The following CDK14 variants were observed in gnomAD, a reference collection of about 807,000 sequenced individuals.
CDK14 encodes cyclin-dependent kinase 14.
CDK14 carries 34 observed loss-of-function variants against 60.7 expected under a neutral mutation model. The ratio of observed to expected loss-of-function variants is 0.56; its 90% CI spans 0.43 to 0.75. The LOEUF (loss-of-function observed/expected upper bound fraction) is 0.75, where lower values mean the gene tolerates loss of function less well. Ranked by LOEUF, CDK14 falls within the 30% of genes least tolerant of loss-of-function variation. The pLI is 0.00. For synonymous variants in CDK14, 197 were observed against 203.7 expected, an observed-to-expected ratio of 0.97 and a Z score of 0.28; for missense variants, 482 against 564.1, an observed-to-expected ratio of 0.85 and a Z score of 1.47.
At chr7:90,843,597 G>C (rs1790370807) in intron 5 of CDK14, among the ~76,000 whole-genome samples, 1 of 152,076 alleles carries the variant, frequency 6.6e-6, no homozygotes, top group African/African-American at 2.4e-5. Flanking sequence ...CTTAGTGCTG[G>C]GGCTGTGGCA....
intron 5 of CDK14, among the ~76,000 whole-genome samples, chr7:90,848,897 C>G (rs916083605): frequency 6.6e-6 from 1 of 152,092 alleles, no homozygotes; most frequent in Admixed American, 6.6e-5. Context: ...TTTGCCTATT[C>G]GTTGGCTGAA....
chr7:90,832,159 A>G (rs1223369589), intron 5 of CDK14, among the ~76,000 whole-genome samples: 3 of 152,014 alleles, frequency 2.0e-5, no homozygotes, highest in Non-Finnish European at 4.4e-5. Flanking sequence ...ATTTTTATTT[A>G]TAATACTTAA....
chr7:90,751,871 G>T (rs1427104105), intron 4 of CDK14, among the ~76,000 whole-genome samples: 2 of 152,132 alleles, frequency 1.3e-5, no homozygotes, highest in African/African-American at 2.4e-5. Flanking sequence ...AAGAGCAGGG[G>T]TCACTATTTT....
In CDK14 at chr7:90,596,396, C is replaced by G. The variant is rs965683387; in HGVS notation, c.-232C>G. 1 of 243,068 alleles carries G rather than the reference C, an allele frequency of 4.1e-6. No individual in the cohort carries two copies. Among genetic ancestry groups the G allele is most frequent in the African/African-American group, 2.3e-5 (1 of 43,592 alleles). 15.1% of individuals were successfully genotyped at this position (243,068 alleles called of 1,614,324 possible). On this transcript the variant is annotated 5_prime_UTR_variant, in exon 1 of 15. Coordinates refer to ENST00000380050, the MANE Select transcript of CDK14 (RefSeq NM_001287135.2). The stretch of plus-strand genomic sequence containing the variant: ...ACGGCGGCGGCGAGCGCGGCCGCCC[C>G]CGGCACCACGTAAACCGCCCCCGCC...
At chr7:90,953,727 G>C (rs1794327468) in intron 8 of CDK14, among the ~76,000 whole-genome samples, 1 of 152,076 alleles carries the variant, frequency 6.6e-6, no homozygotes, top group Admixed American at 6.6e-5. Flanking sequence ...AAAACCAAGA[G>C]AATCAAGCTG....
At chr7:91,081,878 G>T (rs116588104) in intron 12 of CDK14, among the ~76,000 whole-genome samples, 2 of 151,780 alleles carry the variant, frequency 1.3e-5, no homozygotes, top group Non-Finnish European at 2.9e-5. Context: ...TTAATTATGC[G>T]ATTGAGAATA....
At chr7:91,017,632 A>G (rs995420931) in intron 10 of CDK14, among the ~76,000 whole-genome samples, 1 of 152,064 alleles carries the variant, frequency 6.6e-6, no homozygotes, top group Non-Finnish European at 1.5e-5. Flanking sequence ...ATTACTTCAG[A>G]TGGTCGATAG....
chr7:90,856,299 T>G (rs1030796800), intron 5 of CDK14, among the ~76,000 whole-genome samples: 10 of 152,206 alleles, frequency 6.6e-5, no homozygotes, highest in Non-Finnish European at 1.5e-4. Context: ...GTTGACTCTT[T>G]GTACATATGT....
At chr7:90,989,613 T>C (rs1301916656) in intron 10 of CDK14, among the ~76,000 whole-genome samples, 1 of 152,170 alleles carries the variant, frequency 6.6e-6, no homozygotes, top group East Asian at 1.9e-4. Flanking sequence ...TGCTGAGCAA[T>C]TGGTCAGCAG....
chr7:90,607,620 T>C (rs538156962), intron 2 of CDK14, among the ~76,000 whole-genome samples: 6 of 152,342 alleles, frequency 3.9e-5, no homozygotes, highest in African/African-American at 1.4e-4. Flanking sequence ...TAAACTGGGC[T>C]GTGTTTGTGA....
chr7:91,118,257 C>A, intron 14 of CDK14, 49 bp downstream of exon 14: 1 of 854,214 alleles, frequency 1.2e-6, no homozygotes, highest in Non-Finnish European at 1.9e-6. Flanking sequence ...GGATATTGAA[C>A]GGATTCTTTA....
chr7:90,765,915 T>G (rs1374045171), intron 4 of CDK14, among the ~76,000 whole-genome samples: 3 of 152,212 alleles, frequency 2.0e-5, no homozygotes, highest in African/African-American at 7.2e-5. Flanking sequence ...GAGCTCTATT[T>G]TCTCTGTCAC....
chr7:90,786,931 A>C (rs1184893174), intron 4 of CDK14, among the ~76,000 whole-genome samples: 2 of 151,122 alleles, frequency 1.3e-5, no homozygotes, highest in Non-Finnish European at 3.0e-5. Context: ...GTCTCCAAAA[A>C]AAAAAAAAAA....
intron 6 of CDK14, among the ~76,000 whole-genome samples, chr7:90,866,405 C>G (rs1218812958): frequency 6.6e-6 from 1 of 152,040 alleles, no homozygotes; most frequent in African/African-American, 2.4e-5. Context: ...TTTTGTAGTT[C>G]TGTGTAATTA....
chr7:90,599,230 TTAAA>T (rs139978391), intron 1 of CDK14, among the ~76,000 whole-genome samples: 7,673 of 152,336 alleles, frequency 0.05, 226 homozygotes, highest in Non-Finnish European at 0.075. Flanking sequence ...GTGTGGCACA[TTAAA>T]TAAAGACTCA....
At chr7:90,599,023 C>A (rs536311478) in intron 1 of CDK14, among the ~76,000 whole-genome samples, 4 of 152,134 alleles carry the variant, frequency 2.6e-5, no homozygotes, top group African/African-American at 7.2e-5. Context: ...ATTTTTAAGG[C>A]GCTAGAGGTT....
intron 2 of CDK14, among the ~76,000 whole-genome samples, chr7:90,620,214 A>T (rs1013946440): frequency 1.3e-5 from 2 of 152,248 alleles, no homozygotes; most frequent in Admixed American, 1.3e-4. Flanking sequence ...CAAGGCACAG[A>T]CAAGCCACAG....
At chr7:91,170,960 G>T (rs1348685019) in intron 14 of CDK14, among the ~76,000 whole-genome samples, 2 of 151,534 alleles carry the variant, frequency 1.3e-5, no homozygotes, top group African/African-American at 4.9e-5. Context: ...TAGAGACAGG[G>T]TTTCACCATG....
rs946198878 is a variant in CDK14 at position 90,663,446 on chromosome 7, T to G, written c.123+59197T>G. 5.3e-5 allele frequency among the ~76,000 whole-genome samples: 8 copies of G among 152,192 alleles called. No individual in the cohort carries two copies. The East Asian group carries it at 1.5e-3, about 29-fold the overall frequency. ...GGCTCCTGCCAGTATGTTCACAACCTGCATTCTCCAGTTCTTCCCCTCCTT... is the reference window on the plus strand; with the variant it reads ...GGCTCCTGCCAGTATGTTCACAACCGGCATTCTCCAGTTCTTCCCCTCCTT... On this transcript the variant is annotated intron_variant, in intron 2 of 14. Transcript: ENST00000380050.
Sources: allele counts gnomAD v4.1 joint callset (sites outside exome capture counted in the v4.1 genomes callset), GRCh38; gene constraint gnomAD v4.1.1; transcripts MANE v1.5; gene names NCBI Gene and HGNC (gene_info 2026-07-23, HGNC 2026-07-21).